The following LPAR3 variants were observed in gnomAD, a reference collection of about 807,000 sequenced individuals.
The protein encoded by LPAR3 is LPA receptor 3.
In LPAR3, 7 loss-of-function variants were observed where a neutral mutation model predicts 17.8. The ratio of observed to expected loss-of-function variants is 0.39; its 90% confidence interval spans 0.22 to 0.74. The LOEUF (loss-of-function observed/expected upper bound fraction) is 0.74. Ranked by LOEUF, LPAR3 falls within the 30% of genes least tolerant of loss-of-function variation. The probability of loss-of-function intolerance (pLI) is 0.40; values close to 1 mark genes in which losing one functional copy is unlikely to be tolerated. For missense variants in LPAR3, 391 were observed against 453.4 expected, an observed-to-expected ratio of 0.86 and a Z score of 1.25; for synonymous variants, 179 against 179.9, an observed-to-expected ratio of 0.99 and a Z score of 0.04.
intron 2 of LPAR3, among the ~76,000 whole-genome samples, chr1:84,858,254 G>C (rs1263965529): frequency 2.0e-5 from 3 of 152,058 alleles, no homozygotes; most frequent in Non-Finnish European, 4.4e-5. Flanking sequence ...GGCCGAGATG[G>C]GCAGATCACT....
In LPAR3 at chr1:84,834,194, G is replaced by A. The variant is rs541045691; in HGVS notation, c.737-20023C>T. On this transcript the variant is annotated intron_variant, in intron 2 of 2. Transcript: ENST00000370611. ...CTAGATCATATAGGTATCAGGGATT[G>A]GGACTATATATTGGTACCATTTACT... 3.9e-5 allele frequency among the ~76,000 whole-genome samples: 6 copies of A among 152,244 alleles called. No individual in the cohort carries two copies. The East Asian group carries it at 1.2e-3, about 29-fold the overall frequency.
intron 1 of LPAR3, among the ~76,000 whole-genome samples, chr1:84,878,832 C>T (rs1570904688): frequency 6.6e-6 from 1 of 152,094 alleles, no homozygotes; most frequent in Non-Finnish European, 1.5e-5. Flanking sequence ...CTGGCTAGGA[C>T]CCTTCACTCT....
intron 1 of LPAR3, among the ~76,000 whole-genome samples, chr1:84,884,687 G>A (rs1660426128): frequency 1.3e-5 from 2 of 152,172 alleles, no homozygotes; most frequent in African/African-American, 4.8e-5. Context: ...ACAAAACAGA[G>A]TATATCAGCT....
chr1:84,816,876 G>A (rs1285891773), intron 2 of LPAR3, among the ~76,000 whole-genome samples: 1 of 152,144 alleles, frequency 6.6e-6, no homozygotes, highest in African/African-American at 2.4e-5. Flanking sequence ...TCTGCCTGTT[G>A]TACTCTTCCA....
At chr1:84,882,275 T>C (rs1047293983) in intron 1 of LPAR3, among the ~76,000 whole-genome samples, 1 of 151,268 alleles carries the variant, frequency 6.6e-6, no homozygotes, top group African/African-American at 2.5e-5. Flanking sequence ...ACAAATAAAC[T>C]TAATCAGAAA....
At chr1:84,868,293 A>G (rs1327365392) in intron 1 of LPAR3, among the ~76,000 whole-genome samples, 2 of 152,134 alleles carry the variant, frequency 1.3e-5, no homozygotes, top group African/African-American at 4.8e-5. Context: ...TGTTTTTAGT[A>G]GAGACGGGGT....
At chr1:84,863,218 G>T (rs970555740) in intron 2 of LPAR3, among the ~76,000 whole-genome samples, 1 of 152,102 alleles carries the variant, frequency 6.6e-6, no homozygotes, top group Admixed American at 6.5e-5. Context: ...GGGACTACAG[G>T]TATGCACCAC....
At chr1:84,850,472 A>G (rs1659681605) in intron 2 of LPAR3, among the ~76,000 whole-genome samples, 1 of 151,902 alleles carries the variant, frequency 6.6e-6, no homozygotes, top group South Asian at 2.1e-4. Context: ...CTGTACTCCC[A>G]TCTACTCAGG....
chr1:84,883,248 A>G, intron 1 of LPAR3, among the ~76,000 whole-genome samples: 1 of 152,184 alleles, frequency 6.6e-6, no homozygotes, highest in East Asian at 1.9e-4. Flanking sequence ...GCTGGGGAAA[A>G]GGGACCCCAA....
At chr1:84,864,661 T>C (rs1660005089) in intron 2 of LPAR3, among the ~76,000 whole-genome samples, 1 of 152,090 alleles carries the variant, frequency 6.6e-6, no homozygotes, top group Non-Finnish European at 1.5e-5. Context: ...GCGCTGCCTG[T>C]AATCCCAGCA....
intron 1 of LPAR3, among the ~76,000 whole-genome samples, chr1:84,885,807 T>A (rs1660449982): frequency 6.6e-6 from 1 of 152,150 alleles, no homozygotes; most frequent in South Asian, 2.1e-4. Flanking sequence ...CTGGTTACTG[T>A]ATGCAAATAA....
At chr1:84,850,889 A>G (rs1659694112) in intron 2 of LPAR3, among the ~76,000 whole-genome samples, 1 of 152,118 alleles carries the variant, frequency 6.6e-6, no homozygotes, top group South Asian at 2.1e-4. Flanking sequence ...CAGCACAAGG[A>G]CCCAGGCTGA....
chr1:84,852,027 C>A (rs1659723539), intron 2 of LPAR3, among the ~76,000 whole-genome samples: 1 of 151,316 alleles, frequency 6.6e-6, no homozygotes, highest in Non-Finnish European at 1.5e-5. Flanking sequence ...ATCTGAGACA[C>A]CACTGAAGTA....
At chr1:84,887,940 T>C (rs188473439) in intron 1 of LPAR3, among the ~76,000 whole-genome samples, 17 of 152,162 alleles carry the variant, frequency 1.1e-4, no homozygotes, top group African/African-American at 3.9e-4. Context: ...ACTGACGAAA[T>C]AGGAATGGGC....
Position 84,865,541 on chromosome 1 carries a change from A to G in LPAR3, c.580T>C (p.Ser194Pro). ...SRSYLVFWTV[S>P]NLMAFLIMVV... ...ATGATGAGGAAGGCCATGAGGTTGG[A>G]CACTGTCCAGAAAACAAGGTAACTC... Residue 194 changes from serine (S) to proline (P), a missense_variant, in exon 2 of 3, where the codon TCC (serine) becomes CCC (proline). Physicochemically the swap from Ser to Pro is moderately conservative, Grantham distance 74. Transcript: ENST00000370611. 1 of 1,614,200 alleles carries G rather than the reference A, an allele frequency of 6.2e-7. No homozygotes were observed. The highest frequency in any genetic ancestry group is 8.5e-7 in the Non-Finnish European group (1 of 1,180,042).
At chr1:84,861,065 T>C (rs1206047615) in intron 2 of LPAR3, among the ~76,000 whole-genome samples, 2 of 152,230 alleles carry the variant, frequency 1.3e-5, no homozygotes, top group African/African-American at 4.8e-5. Context: ...GAATCTTTCC[T>C]ACAAAATATG....
chr1:84,878,110 G>C (rs1660291855), intron 1 of LPAR3, among the ~76,000 whole-genome samples: 1 of 151,558 alleles, frequency 6.6e-6, no homozygotes, highest in African/African-American at 2.4e-5. Context: ...TTCTAAATTT[G>C]TTAGGAGCAG....
intron 2 of LPAR3, among the ~76,000 whole-genome samples, chr1:84,843,759 G>A (rs889634589): frequency 2.6e-5 from 4 of 152,160 alleles, no homozygotes; most frequent in Non-Finnish European, 5.9e-5. Context: ...TATCCTCTCC[G>A]GTAAATCAAA....
intron 1 of LPAR3, among the ~76,000 whole-genome samples, chr1:84,867,291 G>A (rs771588440): frequency 6.6e-6 from 1 of 152,202 alleles, no homozygotes; most frequent in Non-Finnish European, 1.5e-5. Flanking sequence ...TGGGCTTAGG[G>A]TCAGGGTTCT....
Sources: allele counts gnomAD v4.1 joint callset (sites outside exome capture counted in the v4.1 genomes callset), GRCh38; gene constraint gnomAD v4.1.1; transcripts MANE v1.5; gene names NCBI Gene and HGNC (gene_info 2026-07-23, HGNC 2026-07-21).